Variants in OR1J2 observed in about 807,000 individuals in gnomAD.
The protein encoded by OR1J2 is olfactory receptor family 1 subfamily J member 2, also known as olfactory receptor 1J2.
For synonymous variants in OR1J2, 142 were observed against 99.7 expected (o/e 1.42, Z -2.52); for missense variants, 304 against 246.1 (o/e 1.24, Z -1.57).
At chr9:122,547,980 A>G in the OR1J2 span, among the ~76,000 whole-genome samples, 1 of 152,152 alleles carries the variant, frequency 6.6e-6, no homozygotes, top group Non-Finnish European at 1.5e-5. Context: ...TACAATAGCC[A>G]TTCTGACCGG....
the OR1J2 span, among the ~76,000 whole-genome samples, chr9:122,493,147 A>T: frequency 2.0e-5 from 3 of 151,894 alleles, no homozygotes; most frequent in African/African-American, 7.3e-5. Flanking sequence ...TTCATCAGGG[A>T]TATTGGCCTA....
chr9:122,494,404 TGTTGGACTA>T, the OR1J2 span, among the ~76,000 whole-genome samples: 1 of 152,198 alleles, frequency 6.6e-6, no homozygotes, highest in Non-Finnish European at 1.5e-5. Flanking sequence ...GATATTTTCT[TGTTGGACTA>T]GTCCCTTTAT....
the OR1J2 span, among the ~76,000 whole-genome samples, chr9:122,574,561 A>G: frequency 6.6e-6 from 1 of 152,112 alleles, no homozygotes; most frequent in South Asian, 2.1e-4. Flanking sequence ...TCTTGCTGTA[A>G]TTGCTTATTA....
chr9:122,481,259 A>G, the OR1J2 span, among the ~76,000 whole-genome samples: 1 of 152,202 alleles, frequency 6.6e-6, no homozygotes, highest in East Asian at 1.9e-4. Context: ...ATGTCCCTGC[A>G]AAGGACATGA....
the OR1J2 span, among the ~76,000 whole-genome samples, chr9:122,454,987 C>T: frequency 2.0e-5 from 3 of 152,154 alleles, no homozygotes; most frequent in Non-Finnish European, 4.4e-5. Context: ...CCTTTTATGT[C>T]CGGCTTCTTT....
chr9:122,572,435 G>A, the OR1J2 span, among the ~76,000 whole-genome samples: 1 of 152,204 alleles, frequency 6.6e-6, no homozygotes, highest in Non-Finnish European at 1.5e-5. Context: ...CCAGACTGTA[G>A]ACATGAGGAT....
At chr9:122,456,066 G>A in the OR1J2 span, among the ~76,000 whole-genome samples, 1 of 152,136 alleles carries the variant, frequency 6.6e-6, no homozygotes, top group African/African-American at 2.4e-5. Flanking sequence ...TTATCCTTAT[G>A]CTAGTAGCAC....
chr9:122,515,003 G>A (rs538798197), downstream of OR1J2, among the ~76,000 whole-genome samples: 2 of 152,156 alleles, frequency 1.3e-5, no homozygotes, highest in Non-Finnish European at 2.9e-5. Context: ...ACCACTGCCC[G>A]AGGGCATCTC....
At chr9:122,454,716 C>T in the OR1J2 span, among the ~76,000 whole-genome samples, 1 of 152,120 alleles carries the variant, frequency 6.6e-6, no homozygotes, top group Admixed American at 6.5e-5. Context: ...AGGCATAGGG[C>T]TAGAAAGGCA....
At chr9:122,526,332 T>C in the OR1J2 span, 5 of 1,391,044 alleles carry the variant, frequency 3.6e-6, no homozygotes, top group South Asian at 6.8e-5. Flanking sequence ...CCTATGTCTT[T>C]TCATTAAATG....
chr9:122,572,061 G>A, the OR1J2 span, among the ~76,000 whole-genome samples: 2 of 152,174 alleles, frequency 1.3e-5, no homozygotes. Flanking sequence ...CATCTTACAT[G>A]GCAGGAGCAG....
the OR1J2 span, among the ~76,000 whole-genome samples, chr9:122,562,537 C>T: frequency 6.6e-6 from 1 of 152,176 alleles, no homozygotes; most frequent in Non-Finnish European, 1.5e-5. Flanking sequence ...CACGCTCACT[C>T]ACCACCTCCC....
chr9:122,519,317 G>A, the OR1J2 span: 4 of 1,614,032 alleles, frequency 2.5e-6, no homozygotes, highest in Middle Eastern at 1.7e-4. Flanking sequence ...ACACCCCCAT[G>A]TTCTTCTTCC....
At chr9:122,528,803 A>T in the OR1J2 span, among the ~76,000 whole-genome samples, 1 of 152,218 alleles carries the variant, frequency 6.6e-6, no homozygotes, top group Non-Finnish European at 1.5e-5. Context: ...AGTTCAAAAG[A>T]CCAAAGTGAT....
At chr9:122,488,668 C>T in the OR1J2 span, among the ~76,000 whole-genome samples, 2 of 152,138 alleles carry the variant, frequency 1.3e-5, no homozygotes, top group Non-Finnish European at 2.9e-5. Context: ...TGAGAATCTT[C>T]AGAAACCTGC....
the OR1J2 span, among the ~76,000 whole-genome samples, chr9:122,503,339 A>T: frequency 7.2e-5 from 11 of 152,254 alleles, no homozygotes; most frequent in Middle Eastern, 3.2e-3. Flanking sequence ...GGTCCCCCAG[A>T]AGAATAACAA....
At chr9:122,505,550 A>G in the OR1J2 span, among the ~76,000 whole-genome samples, 1 of 152,232 alleles carries the variant, frequency 6.6e-6, no homozygotes, top group African/African-American at 2.4e-5. Context: ...TGAAGGGGAC[A>G]GACATTCAAA....
chr9:122,520,124 T>G, the OR1J2 span: 1 of 1,415,338 alleles, frequency 7.1e-7, no homozygotes, highest in Admixed American at 1.9e-5. Context: ...CTGACCTATT[T>G]CCAGATCATA....
the OR1J2 span, among the ~76,000 whole-genome samples, chr9:122,493,581 A>T: frequency 1.3e-5 from 2 of 151,858 alleles, no homozygotes; most frequent in African/African-American, 4.8e-5. Context: ...GCTTATTTGG[A>T]TCTTCTCTCT....
Sources: gnomAD v4.1 joint callset for allele counts (sites outside exome capture counted in the v4.1 genomes callset) on GRCh38, gnomAD v4.1.1 for gene constraint, MANE v1.5 for transcripts, NCBI Gene and HGNC (gene_info 2026-07-23, HGNC 2026-07-21) for gene names.